The following ABCA8 variants were observed in gnomAD, a reference collection of about 807,000 sequenced individuals.
ABCA8 encodes ABC-type organic anion transporter ABCA8.
ABCA8 carries 177 observed loss-of-function variants against 192.3 expected under a neutral mutation model. The ratio of observed to expected loss-of-function variants is 0.92; its 90% CI spans 0.81 to 1.04. The LOEUF is 1.04. Among genes scored for constraint, ABCA8 ranks in the 50% least tolerant of loss-of-function variants. The pLI is 0.00. For synonymous variants in ABCA8, 642 were observed against 690.2 expected, an observed-to-expected ratio of 0.93 and a Z score of 1.09; for missense variants, 1,915 against 1,904.8, an observed-to-expected ratio of 1.01 and a Z score of -0.10.
At position 68,877,515 on chromosome 17, in the gene ABCA8, G is replaced by GTACC; in HGVS notation, c.4199_4199+3dup. The GTACC allele has an allele frequency of 6.2e-7, 1 of 1,612,022 alleles. No individual in the cohort carries two copies. The highest frequency in any genetic ancestry group is 1.1e-5 in the South Asian group (1 of 90,730). ...TATAGAACAGATGTGGCTCCTCTGT[G>GTACC]TACCGTGTGATGGCAACCTCAGCAT... On this transcript the variant is annotated splice_donor_region_variant and intron_variant, in intron 33 of 39. Transcript: ENST00000586539.
At chr17:68,893,411 T>C (rs2066662372) in intron 23 of ABCA8, among the ~76,000 whole-genome samples, 1 of 152,138 alleles carries the variant, frequency 6.6e-6, no homozygotes, top group Non-Finnish European at 1.5e-5. Flanking sequence ...TGAGGAAAAG[T>C]GGTTTGATTG....
At chr17:68,938,747 T>C (rs1465918659) in intron 4 of ABCA8, among the ~76,000 whole-genome samples, 1 of 152,166 alleles carries the variant, frequency 6.6e-6, no homozygotes, top group Non-Finnish European at 1.5e-5. Flanking sequence ...CAACCATCAA[T>C]TCTGATTTGA....
At chr17:68,934,070 C>T (rs1442785396) in intron 5 of ABCA8, among the ~76,000 whole-genome samples, 1 of 152,082 alleles carries the variant, frequency 6.6e-6, no homozygotes, top group African/African-American at 2.4e-5. Flanking sequence ...TATGCCACTA[C>T]ATATCTCTAA....
At chr17:68,951,312 A>G (rs908886010) in intron 1 of ABCA8, among the ~76,000 whole-genome samples, 4 of 152,190 alleles carry the variant, frequency 2.6e-5, no homozygotes, top group African/African-American at 9.6e-5. Flanking sequence ...ATTTCTAACA[A>G]TTATATTGTG....
chr17:68,936,339 T>G (rs1328908921), intron 5 of ABCA8, among the ~76,000 whole-genome samples: 1 of 152,192 alleles, frequency 6.6e-6, no homozygotes, highest in Non-Finnish European at 1.5e-5. Flanking sequence ...TTAATCCATC[T>G]TGAGTTAATT....
chr17:68,944,792 A>G (rs1442381242), intron 2 of ABCA8: 2 of 152,126 alleles, frequency 1.3e-5, no homozygotes, highest in African/African-American at 2.4e-5. Flanking sequence ...AGCAAAGATA[A>G]TTTGCAGCTG....
chr17:68,885,197 T>A lies in ABCA8; in HGVS notation c.3548A>T (p.His1183Leu), dbSNP rs1192770946. 1 of 1,612,320 alleles carries A rather than the reference T, an allele frequency of 6.2e-7. No homozygotes were observed. Among genetic ancestry groups the A allele is most frequent in the African/African-American group, 1.3e-5 (1 of 74,820 alleles). Residue 1183 changes from histidine to leucine, a missense_variant and splice_region_variant, in exon 27 of 40, where the codon CAT becomes CTT. Physicochemically the swap from His to Leu is moderately conservative, Grantham distance 99. Coordinates refer to ENST00000586539, the MANE Select transcript of ABCA8 (RefSeq NM_001288985.2). ...GGGACAGACTGTGTCATTACTTACA[T>A]GAGAAGATAAGAACAAACAGCCAAT... ...TMIGCLFLSS[H>L]LLFSSLFSEE...
chr17:68,931,923 T>G (rs2067895433), intron 7 of ABCA8: 3 of 175,426 alleles, frequency 1.7e-5, no homozygotes, highest in Admixed American at 1.6e-4. Context: ...AAAGACGCAT[T>G]GAAGAGGCCG....
At chr17:68,917,495 G>C (rs560134673) in intron 16 of ABCA8, 44 bp from the exon 17 acceptor site, 3 of 1,427,736 alleles carry the variant, frequency 2.1e-6, no homozygotes, top group Non-Finnish European at 9.7e-7. Context: ...TTAAAAAGTG[G>C]CCCATCCATT....
intron 17 of ABCA8, among the ~76,000 whole-genome samples, chr17:68,912,980 A>G (rs566194359): frequency 3.3e-5 from 5 of 152,314 alleles, no homozygotes; most frequent in African/African-American, 9.6e-5. Context: ...ATCATTCTCA[A>G]GGATACACGA....
chr17:68,945,432 T>G (rs2068372726), intron 2 of ABCA8, among the ~76,000 whole-genome samples: 1 of 152,196 alleles, frequency 6.6e-6, no homozygotes, highest in East Asian at 1.9e-4. Flanking sequence ...TTTCTTCTAT[T>G]GTATTCAAGT....
chr17:68,929,652 A>G lies in ABCA8; in HGVS notation c.848T>C (p.Phe283Ser). 2 of 1,613,820 alleles carry G rather than the reference A, an allele frequency of 1.2e-6. No individual in the cohort carries two copies. Among genetic ancestry groups the G allele is most frequent in the South Asian group, 1.1e-5 (1 of 91,042 alleles). The change falls in exon 8 of 40, where the codon TTC (phenylalanine) becomes TCC (serine). Residue 283 changes from phenylalanine (F) to serine (S), a missense_variant. By Grantham distance (155) the Phe-to-Ser change is radical. Transcript: ENST00000586539. ...GGTAGATCTTATAACAAGTGCCAAG[A>G]AAAGGGCCATAATGAAGATGAAACC... Reference protein sequence around the residue: ...YAGFIFIMALFLALVIRSTQF... With the variant: ...YAGFIFIMALSLALVIRSTQF...
intron 1 of ABCA8, among the ~76,000 whole-genome samples, chr17:68,952,919 T>A (rs930458118): frequency 6.6e-6 from 1 of 151,600 alleles, no homozygotes; most frequent in Non-Finnish European, 1.5e-5. Flanking sequence ...ATATGGGGGG[T>A]GATTTTGTAG....
At chr17:68,894,367 A>G in intron 22 of ABCA8, 57 bp from the exon 23 acceptor site, 1 of 1,478,434 alleles carries the variant, frequency 6.8e-7, no homozygotes, top group Non-Finnish European at 9.1e-7. Flanking sequence ...GTTCTCTAAA[A>G]AAGTCAAAAT....
At position 68,919,370 on chromosome 17, in the gene ABCA8, G is replaced by A. The variant is rs2067476035; in HGVS notation, c.1719C>T (p.Leu573=). 1.2e-6 allele frequency: 2 copies of A among 1,613,986 alleles called. No homozygotes were observed. Among genetic ancestry groups the A allele is most frequent in the African/African-American group, 1.3e-5 (1 of 75,028 alleles). Residue 573 remains leucine (L), a synonymous_variant, in exon 14 of 40, where the codon CTC becomes CTT. Transcript: ENST00000586539. ...CPQSNVQFDF[L]TVRENLRLFA... is the part of the protein sequence containing the mutation. ...AGAGTCTGAGGTTTTCTCTTACAGTGAGGAAGTCAAATTGCACATTGGATT... is the reference window on the plus strand; with the variant it reads ...AGAGTCTGAGGTTTTCTCTTACAGTAAGGAAGTCAAATTGCACATTGGATT...
rs767244828 is a variant in ABCA8 at position 68,927,919 on chromosome 17, G to A, written c.1270C>T (p.Pro424Ser). ...TTTTAATCATATCATTACTCACTTG[G>A]CAAAATTTTTTCAAAGTAAATCGCC... ...ALAIYFEKIL[P>S]NEYGHRRPPL... Residue 424 changes from proline to serine, a missense_variant, in exon 10 of 40, where the codon CCA becomes TCA. Pro to Ser is a moderately conservative substitution (Grantham distance 74). Transcript: ENST00000586539. 5 of 1,594,694 alleles carry A rather than the reference G, an allele frequency of 3.1e-6. No individual in the cohort carries two copies. In the African/African-American group the frequency reaches 6.8e-5, roughly 22 times the overall value.
At position 68,872,848 on chromosome 17, in the gene ABCA8, G is replaced by A. The variant is rs72850227; in HGVS notation, c.4631+2412C>T. Among the ~76,000 whole-genome samples, 683 of 152,016 alleles carry A rather than the reference G, an allele frequency of 4.5e-3. 3 individuals are homozygous for A. The highest frequency in any genetic ancestry group is 8.2e-3 in the Non-Finnish European group (557 of 67,962). ...AAATAGAAAATAGCTTATAGAATAT[G>A]GATATGAAAAAAGAAAATATTTTTG... On this transcript the variant is annotated intron_variant, in intron 37 of 39. Coordinates refer to ENST00000586539, the MANE Select transcript of ABCA8 (RefSeq NM_001288985.2).
intron 1 of ABCA8, among the ~76,000 whole-genome samples, chr17:68,953,105 G>A (rs939555507): frequency 1.3e-4 from 20 of 152,306 alleles, no homozygotes; most frequent in Middle Eastern, 6.8e-3. Flanking sequence ...CTTTCAAATG[G>A]TCTTTGCCGT....
At chr17:68,909,698 T>TA (rs1046264240) in intron 17 of ABCA8, among the ~76,000 whole-genome samples, 61 of 151,134 alleles carry the variant, frequency 4.0e-4, no homozygotes, top group East Asian at 1.6e-3. Context: ...CTATAAGAAA[T>TA]AAAAAAAAAT....
Sources: gnomAD v4.1 joint callset for allele counts (sites outside exome capture counted in the v4.1 genomes callset) on GRCh38, gnomAD v4.1.1 for gene constraint, MANE v1.5 for transcripts, NCBI Gene and HGNC (gene_info 2026-07-23, HGNC 2026-07-21) for gene names.